Variants in GPC5 observed in about 807,000 individuals in gnomAD.
The protein encoded by GPC5 is glypican-5.
GPC5 carries 47 observed loss-of-function variants against 53.9 expected under a neutral mutation model. The observed-to-expected ratio is 0.87, with a 90% confidence interval of 0.69 to 1.11. The LOEUF is 1.11. Among genes scored for constraint, GPC5 ranks in the 50% most tolerant of loss-of-function variants. The pLI is 0.00. For synonymous variants in GPC5, 286 were observed against 263.3 expected, an observed-to-expected ratio of 1.09 and a Z score of -0.84; for missense variants, 748 against 713.1, an observed-to-expected ratio of 1.05 and a Z score of -0.56.
chr13:91,431,056 G>T (rs1879410401), intron 1 of GPC5, among the ~76,000 whole-genome samples: 1 of 151,986 alleles, frequency 6.6e-6, no homozygotes, highest in Admixed American at 6.6e-5. Flanking sequence ...TCTATTTTTT[G>T]TAGAGATGGG....
chr13:91,797,429 T>A (rs753304677), intron 5 of GPC5, among the ~76,000 whole-genome samples: 3 of 152,198 alleles, frequency 2.0e-5, no homozygotes, highest in Non-Finnish European at 4.4e-5. Context: ...CCTAATAGTC[T>A]ATTTTAATAA....
intron 7 of GPC5, among the ~76,000 whole-genome samples, chr13:92,815,305 C>T (rs1054925908): frequency 9.2e-5 from 14 of 152,050 alleles, no homozygotes; most frequent in African/African-American, 3.1e-4. Flanking sequence ...GCAGAGATAA[C>T]CAATGAAGTT....
intron 2 of GPC5, among the ~76,000 whole-genome samples, chr13:91,475,441 G>A (rs529007807): frequency 4.5e-4 from 68 of 152,248 alleles, no homozygotes; most frequent in African/African-American, 1.6e-3. Context: ...AAAAATAGTG[G>A]TCAAAAAGCA....
chr13:92,237,625 A>C (rs531841104), intron 7 of GPC5, among the ~76,000 whole-genome samples: 1 of 152,182 alleles, frequency 6.6e-6, no homozygotes, highest in Non-Finnish European at 1.5e-5. Flanking sequence ...TTTCTTGTGT[A>C]GGTGTTTTAA....
intron 7 of GPC5, among the ~76,000 whole-genome samples, chr13:92,603,468 T>C (rs1884150186): frequency 1.3e-5 from 2 of 152,200 alleles, no homozygotes; most frequent in South Asian, 4.1e-4. Flanking sequence ...ATTGTATGAT[T>C]TAGTAATTAA....
At chr13:92,807,437 T>A (rs1384302602) in intron 7 of GPC5, among the ~76,000 whole-genome samples, 4 of 152,206 alleles carry the variant, frequency 2.6e-5, no homozygotes, top group Non-Finnish European at 4.4e-5. Flanking sequence ...ATTATCAAAA[T>A]CAAGATCAGA....
At chr13:92,570,800 T>A (rs1882999801) in intron 7 of GPC5, among the ~76,000 whole-genome samples, 1 of 152,146 alleles carries the variant, frequency 6.6e-6, no homozygotes, top group Non-Finnish European at 1.5e-5. Flanking sequence ...TTTTTATAAT[T>A]TACATCTATT....
intron 6 of GPC5, among the ~76,000 whole-genome samples, chr13:92,123,541 C>T (rs1318394852): frequency 6.6e-6 from 1 of 152,130 alleles, no homozygotes; most frequent in East Asian, 1.9e-4. Context: ...TTTGGACTTG[C>T]AAAAATGTGG....
At chr13:91,610,613 G>A (rs1479438572) in intron 2 of GPC5, among the ~76,000 whole-genome samples, 2 of 152,096 alleles carry the variant, frequency 1.3e-5, no homozygotes, top group Admixed American at 6.6e-5. Context: ...AAATCATTTT[G>A]CTGTAAGTTT....
chr13:91,620,268 A>C (rs575235164), intron 2 of GPC5, among the ~76,000 whole-genome samples: 8 of 152,226 alleles, frequency 5.3e-5, no homozygotes, highest in African/African-American at 1.9e-4. Flanking sequence ...TGTTTTAGAG[A>C]TTTCTAAGTT....
chr13:92,187,387 G>A (rs945617719), intron 7 of GPC5, among the ~76,000 whole-genome samples: 3 of 152,116 alleles, frequency 2.0e-5, no homozygotes, highest in African/African-American at 4.8e-5. Flanking sequence ...CCCTTGAGAG[G>A]ACTCAAAAAT....
At chr13:92,259,397 CT>C (rs1237832722) in intron 7 of GPC5, among the ~76,000 whole-genome samples, 2 of 152,156 alleles carry the variant, frequency 1.3e-5, no homozygotes, top group Non-Finnish European at 2.9e-5. Context: ...TTGTCTCCTG[CT>C]GTTCCTTTAA....
chr13:92,657,290 A>G (rs1329477031), intron 7 of GPC5, among the ~76,000 whole-genome samples: 1 of 152,186 alleles, frequency 6.6e-6, no homozygotes, highest in Non-Finnish European at 1.5e-5. Context: ...TGGAAATACT[A>G]AGTAAATAAA....
intron 7 of GPC5, among the ~76,000 whole-genome samples, chr13:92,787,390 A>T: frequency 6.6e-6 from 1 of 152,084 alleles, no homozygotes; most frequent in Non-Finnish European, 1.5e-5. Flanking sequence ...ACAGAAAAAT[A>T]TCCCTCAGAA....
At chr13:91,943,144 A>G (rs1016762579) in intron 6 of GPC5, among the ~76,000 whole-genome samples, 14 of 152,134 alleles carry the variant, frequency 9.2e-5, no homozygotes, top group Admixed American at 3.3e-4. Flanking sequence ...AATGATGAAA[A>G]TCAACTTATG....
rs565183630 is a variant in GPC5, at chr13:91,519,438, C to T, written c.325+70516C>T. Among the ~76,000 whole-genome samples the T allele has an allele frequency of 6.6e-5, 10 of 152,184 alleles. No homozygotes were observed. The South Asian group carries it at 1.0e-3, about 16-fold the overall frequency. ...TTGGGAGGTGACTGAATCATGGGAT[C>T]GGACTTTCCTCTTTCTGTTCTCATG... On this transcript the variant is annotated intron_variant, in intron 2 of 7. Coordinates refer to ENST00000377067, the MANE Select transcript of GPC5 (RefSeq NM_004466.6).
At chr13:92,798,196 T>A (rs1876770466) in intron 7 of GPC5, among the ~76,000 whole-genome samples, 2 of 151,778 alleles carry the variant, frequency 1.3e-5, no homozygotes, top group South Asian at 4.1e-4. Flanking sequence ...AGCATACTGG[T>A]TGTTTTTTGG....
At chr13:92,662,423 C>T (rs1417834374) in intron 7 of GPC5, among the ~76,000 whole-genome samples, 2 of 151,624 alleles carry the variant, frequency 1.3e-5, no homozygotes, top group East Asian at 3.9e-4. Flanking sequence ...TTAATCTATT[C>T]TACTCAATGC....
At chr13:92,344,706 T>G (rs749604035) in intron 7 of GPC5, among the ~76,000 whole-genome samples, 2 of 152,148 alleles carry the variant, frequency 1.3e-5, no homozygotes, top group Non-Finnish European at 2.9e-5. Context: ...TACGTAGTTT[T>G]GAACCTCCTG....
Sources: gnomAD v4.1 joint callset for allele counts (sites outside exome capture counted in the v4.1 genomes callset) on GRCh38, gnomAD v4.1.1 for gene constraint, MANE v1.5 for transcripts, NCBI Gene and HGNC (gene_info 2026-07-23, HGNC 2026-07-21) for gene names.